The following USH1C variants were observed in gnomAD, a reference collection of about 807,000 sequenced individuals.
USH1C encodes harmonin.
USH1C carries 90 observed loss-of-function variants against 119.3 expected under a neutral mutation model. That is an observed-to-expected ratio of 0.75 (90% CI 0.64 to 0.90). USH1C has a LOEUF of 0.90. Among genes scored for constraint, USH1C ranks in the 40% least tolerant of loss-of-function variants. The probability of loss-of-function intolerance (pLI) is 0.00; values close to 1 mark genes in which losing one functional copy is unlikely to be tolerated. For missense variants in USH1C, 1,165 were observed against 1,167.7 expected (o/e 1.00, Z 0.03); for synonymous variants, 465 against 443.3 (o/e 1.05, Z -0.62).
chr11:17,529,393 T>C (rs1850856731), intron 4 of USH1C, among the ~76,000 whole-genome samples: 1 of 152,190 alleles, frequency 6.6e-6, no homozygotes, highest in African/African-American at 2.4e-5. Flanking sequence ...AGCCCACCAC[T>C]GGGGACCCAG....
At chr11:17,501,411 C>T in intron 22 of USH1C, 71 bp downstream of exon 22, 1 of 1,540,282 alleles carries the variant, frequency 6.5e-7, no homozygotes, top group Non-Finnish European at 8.9e-7. Context: ...AGAGTAGAGG[C>T]AGGAGACCAA....
chr11:17,534,006 A>G, intron 1 of USH1C: 1 of 274,664 alleles, frequency 3.6e-6, no homozygotes, highest in South Asian at 4.1e-5. Context: ...CTCTAAGGTC[A>G]GGTTCAGGAG....
At position 17,509,485 on chromosome 11, in the gene USH1C, T is replaced by C. The variant is rs1193347778; in HGVS notation, c.1884A>G (p.Glu628=). The C allele has an allele frequency of 6.2e-7, 1 of 1,612,968 alleles. No individual in the cohort carries two copies. The highest frequency in any genetic ancestry group is 8.5e-7 in the Non-Finnish European group (1 of 1,179,666). The change falls in exon 18 of 27, where the codon GAA becomes GAG. Residue 628 remains glutamate (E), a synonymous_variant. Transcript: ENST00000005226. ...TGCGGAAGGGATGGTTGCTCAGTGC[T>C]TCTTCCAGCGCCGAGGGCAGTGGGC... is the stretch of plus-strand genomic sequence containing the variant. ...PTRPLPSALE[E]ALSNHPFRTG...
chr11:17,502,103 C>T (rs1849469672), intron 20 of USH1C, 123 bp from the exon 21 acceptor site: 1 of 991,348 alleles, frequency 1.0e-6, no homozygotes, highest in Non-Finnish European at 1.5e-6. Context: ...CGGGAGAAGG[C>T]ACGGCCAGGG....
chr11:17,533,149 G>A, intron 2 of USH1C, 106 bp downstream of exon 2: 1 of 841,490 alleles, frequency 1.2e-6, no homozygotes, highest in South Asian at 1.3e-5. Flanking sequence ...CAGGAGCCGT[G>A]AGCATCCACC....
intron 4 of USH1C, among the ~76,000 whole-genome samples, chr11:17,529,390 C>T (rs954560995): frequency 6.6e-6 from 1 of 152,214 alleles, no homozygotes; most frequent in African/African-American, 2.4e-5. Context: ...CCAAGCCCAC[C>T]ACTGGGGACC....
Position 17,501,101 on chromosome 11 carries a change from C to T in USH1C, c.2330G>A (p.Gly777Glu), listed in dbSNP as rs766984429. 3 of 1,614,124 alleles carry T rather than the reference C, an allele frequency of 1.9e-6. No homozygotes were observed. The South Asian group carries it at 3.3e-5, about 18-fold the overall frequency. The change falls in exon 23 of 27, where the codon GGG becomes GAG. Residue 777 changes from glycine (G) to glutamate (E), a missense_variant. Transcript: ENST00000005226. Reference protein sequence around the residue: ...ALEGGVDSPIGKVVVSAVYER... With the variant: ...ALEGGVDSPIEKVVVSAVYER... ...ATACACAGCAGAAACGACCACCTTC[C>T]CAATGGGGGAGTCCACACCGCCTTC...
At position 17,533,238 on chromosome 11, in the gene USH1C, G is replaced by T. The variant is rs1041508067; in HGVS notation, c.104+17C>A. Reference sequence around the variant, plus strand: ...GGAACCCAAGTGGCCCACAAGAGCTGGACCCAGCACACTTACTGGTGGTAC... The same window carrying T: ...GGAACCCAAGTGGCCCACAAGAGCTTGACCCAGCACACTTACTGGTGGTAC... On this transcript the variant is annotated intron_variant, in intron 2 of 26. Transcript: ENST00000005226. 1 of 1,609,984 alleles carries T rather than the reference G, an allele frequency of 6.2e-7. No homozygotes were observed. The highest frequency in any genetic ancestry group is 1.3e-5 in the African/African-American group (1 of 74,940).
chr11:17,497,199 C>T (rs907799507), intron 24 of USH1C, among the ~76,000 whole-genome samples: 6 of 152,170 alleles, frequency 3.9e-5, no homozygotes, highest in Admixed American at 1.3e-4. Context: ...GTAATTCCGA[C>T]GCACTTTCTG....
rs745676216 is a variant in USH1C at position 17,521,041 on chromosome 11, G to A, written c.1086-47C>T. The A allele has an allele frequency of 8.7e-6, 14 of 1,611,866 alleles. No homozygotes were observed. In the East Asian group the frequency reaches 2.5e-4, roughly 28 times the overall value. The stretch of plus-strand genomic sequence containing the variant: ...TGTTACTGGAGTCAGAACCCCCATA[G>A]GCCCATCTCCTGCATATCGGAGAGC... On this transcript the variant is annotated intron_variant, in intron 13 of 26. Transcript: ENST00000005226.
At chr11:17,513,566 T>C (rs960944109) in intron 15 of USH1C, among the ~76,000 whole-genome samples, 1 of 152,148 alleles carries the variant, frequency 6.6e-6, no homozygotes, top group Non-Finnish European at 1.5e-5. Flanking sequence ...AATGGTCACC[T>C]CTGGGACCCA....
At chr11:17,517,546 C>T in intron 14 of USH1C, 1 of 1,474,634 alleles carries the variant, frequency 6.8e-7, no homozygotes, top group South Asian at 1.2e-5. Flanking sequence ...GGAGAACCTT[C>T]TCAGGAGTTT....
At chr11:17,528,617 G>A (rs1325691627) in intron 4 of USH1C, among the ~76,000 whole-genome samples, 1 of 152,364 alleles carries the variant, frequency 6.6e-6, no homozygotes, top group African/African-American at 2.4e-5. Context: ...TGTGGGTCTA[G>A]GTAGGTAGGG....
chr11:17,526,259 C>A lies in USH1C; in HGVS notation c.674+88G>T, dbSNP rs56114136. The A allele has an allele frequency of 5.2e-6, 6 of 1,144,620 alleles. No homozygotes were observed. In the South Asian group the frequency reaches 7.6e-5, roughly 14 times the overall value. 70.9% of individuals were successfully genotyped at this position (1,144,620 alleles called of 1,614,324 possible). ...ACACCCCTGGTGGGCAAGGTTTCCTCGGAAGTGGCAGTGAGGAAGGGGAGG... is the reference window on the plus strand; with the variant it reads ...ACACCCCTGGTGGGCAAGGTTTCCTAGGAAGTGGCAGTGAGGAAGGGGAGG... On this transcript the variant is annotated intron_variant, in intron 8 of 26. Transcript: ENST00000005226.
At chr11:17,505,972 AC>A in intron 18 of USH1C, 23 bp from the exon 19 acceptor site, 1 of 1,614,060 alleles carries the variant, frequency 6.2e-7, no homozygotes. Flanking sequence ...TTTAACAGGG[AC>A]CCAGGTGAGG....
At chr11:17,502,208 A>T (rs188339688) in intron 20 of USH1C, among the ~76,000 whole-genome samples, 1 of 152,118 alleles carries the variant, frequency 6.6e-6, no homozygotes, top group East Asian at 1.9e-4. Flanking sequence ...GAGGATCTTG[A>T]CCCTGCCCTG....
chr11:17,506,726 G>A (rs1119618), intron 18 of USH1C, among the ~76,000 whole-genome samples: 29,735 of 152,158 alleles, frequency 0.2, 4,866 homozygotes, highest in African/African-American at 0.45. Flanking sequence ...TAAGTTGGGC[G>A]TCACTGCCTT....
chr11:17,508,238 T>G (rs528467537), intron 18 of USH1C, among the ~76,000 whole-genome samples: 1 of 152,322 alleles, frequency 6.6e-6, no homozygotes, highest in South Asian at 2.1e-4. Flanking sequence ...TTTCTTCCTG[T>G]CAAAGCTGCA....
chr11:17,506,095 T>C lies in USH1C; in HGVS notation c.2014-146A>G, dbSNP rs1591971904. On this transcript the variant is annotated intron_variant, in intron 18 of 26. Transcript: ENST00000005226. ...TCAACTGCTCGAGGTCCTGGGGTTGTGATCCTCAGCAGAGAGATGAGAAGC... is the reference window on the plus strand; with the variant it reads ...TCAACTGCTCGAGGTCCTGGGGTTGCGATCCTCAGCAGAGAGATGAGAAGC... 6.6e-6 allele frequency: 8 copies of C among 1,207,110 alleles called. No individual in the cohort carries two copies. The East Asian group carries it at 1.8e-4, about 27-fold the overall frequency. The allele number at this position is 1,207,110 out of a possible 1,614,324, so 74.8% of individuals were successfully genotyped here. A position where few individuals can be genotyped will look rare whatever the true frequency, so the allele number is the denominator to read the frequency against.
Sources: allele counts gnomAD v4.1 joint callset (sites outside exome capture counted in the v4.1 genomes callset), GRCh38; gene constraint gnomAD v4.1.1; transcripts MANE v1.5; gene names NCBI Gene and HGNC (gene_info 2026-07-23, HGNC 2026-07-21).